Variants in POF1B observed in about 807,000 individuals in gnomAD.
POF1B encodes protein POF1B.
Under a neutral mutation model 55.3 loss-of-function variants are expected in POF1B, and 53 were observed. That is an observed-to-expected ratio of 0.96 (90% CI 0.77 to 1.20). The LOEUF (loss-of-function observed/expected upper bound fraction) is 1.20, where lower values mean the gene tolerates loss of function less well. POF1B is among the 50% of genes most tolerant of loss of function. The pLI is 0.00. For synonymous variants in POF1B, 188 were observed against 148.3 expected (o/e 1.27, Z -1.95); for missense variants, 478 against 420.5 (o/e 1.14, Z -1.20).
chrX:85,359,445 G>A (rs1301766816), intron 4 of POF1B, 105 bp downstream of exon 4: 16 of 571,325 alleles, frequency 2.8e-5, no homozygotes, highest in Non-Finnish European at 4.3e-5. Flanking sequence ...GTAACTGTAA[G>A]AAAGTCCAAC....
chrX:85,325,156 T>C (rs769875996), intron 7 of POF1B, among the ~76,000 whole-genome samples: 11 of 111,410 alleles, frequency 9.9e-5, no homozygotes, highest in Non-Finnish European at 1.7e-4. Context: ...CTGATGACGA[T>C]GTGTCTTGGG....
chrX:85,371,189 A>G (rs1161249172), intron 2 of POF1B, among the ~76,000 whole-genome samples: 1 of 111,787 alleles, frequency 8.9e-6, no homozygotes. Flanking sequence ...GAAATGAGAA[A>G]TGGGATATGG....
intron 6 of POF1B, among the ~76,000 whole-genome samples, chrX:85,337,679 A>G (rs1250352487): frequency 8.9e-6 from 1 of 111,848 alleles, no homozygotes; most frequent in Non-Finnish European, 1.9e-5. Flanking sequence ...ACAGTTCTGT[A>G]CTTGAAATAA....
chrX:85,346,138 T>C, intron 5 of POF1B, 96 bp from the exon 6 acceptor site: 2 of 671,467 alleles, frequency 3.0e-6, no homozygotes, highest in Non-Finnish European at 4.1e-6. Flanking sequence ...TAATGTTTTC[T>C]TTCACTATAA....
chrX:85,344,817 A>G (rs1014467703), intron 6 of POF1B, among the ~76,000 whole-genome samples: 4 of 111,331 alleles, frequency 3.6e-5, no homozygotes, highest in Non-Finnish European at 5.7e-5. Context: ...GGGTCTCACT[A>G]TGTTGCTCAG....
chrX:85,293,343 A>G (rs1172095827), intron 15 of POF1B, among the ~76,000 whole-genome samples: 1 of 112,244 alleles, frequency 8.9e-6, no homozygotes, highest in Non-Finnish European at 1.9e-5. Context: ...GCACCCATAA[A>G]AAGAACAAGA....
At chrX:85,376,595 A>G (rs1933925878) in intron 2 of POF1B, among the ~76,000 whole-genome samples, 1 of 111,697 alleles carries the variant, frequency 9.0e-6, no homozygotes, top group African/African-American at 3.2e-5. Flanking sequence ...CAAAATAATA[A>G]CCAAAAAACA....
chrX:85,342,861 C>G (rs1451857645), intron 6 of POF1B, among the ~76,000 whole-genome samples: 1 of 111,214 alleles, frequency 9.0e-6, no homozygotes, highest in African/African-American at 3.3e-5. Flanking sequence ...CTCCTTTGTC[C>G]ATGGGATCTG....
At chrX:85,366,568 A>G (rs1164722055) in intron 3 of POF1B, among the ~76,000 whole-genome samples, 2 of 111,985 alleles carry the variant, frequency 1.8e-5, no homozygotes, top group Non-Finnish European at 3.8e-5. Context: ...AAAATAAAAT[A>G]GATAATACAA....
intron 2 of POF1B, among the ~76,000 whole-genome samples, chrX:85,374,221 A>G (rs999058016): frequency 2.7e-5 from 3 of 111,698 alleles, no homozygotes; most frequent in African/African-American, 9.8e-5. Flanking sequence ...TCACCTCATG[A>G]TTGCATATTT....
chrX:85,358,300 C>T (rs923870064), intron 4 of POF1B, among the ~76,000 whole-genome samples: 23 of 111,383 alleles, frequency 2.1e-4, no homozygotes, highest in African/African-American at 6.2e-4. Context: ...GGTCCTTTCA[C>T]GGCATCTATC....
rs1328988423 is a variant in POF1B at position 85,379,293 on chromosome X, G to A, written c.162C>T (p.Thr54=). 2 of 1,208,139 alleles carry A rather than the reference G, an allele frequency of 1.7e-6. No homozygotes were observed. Among genetic ancestry groups the A allele is most frequent in the Admixed American group, 2.2e-5 (1 of 45,388 alleles). The part of the protein sequence containing the change: ...EKNVVYERVR[T]YSGPMNKVVQ... ...CCACCTTGTTCATGGGCCCACTGTA[G>A]GTCCTCACTCGCTCATACACTACAT... Residue 54 remains threonine, a synonymous_variant, in exon 2 of 17, where the codon ACC becomes ACT. Transcript: ENST00000262753.
chrX:85,303,077 T>A (rs1932493890), intron 15 of POF1B, among the ~76,000 whole-genome samples: 1 of 111,418 alleles, frequency 9.0e-6, no homozygotes, highest in Admixed American at 9.5e-5. Context: ...GTAACCCCAT[T>A]TAAGTGAATT....
chrX:85,318,847 T>C (rs1452510642), intron 7 of POF1B, among the ~76,000 whole-genome samples: 1 of 110,569 alleles, frequency 9.0e-6, no homozygotes, highest in African/African-American at 3.3e-5. Context: ...TGTCTTGCTA[T>C]TCCAGTCTTT....
At chrX:85,334,173 T>C (rs1013753617) in intron 6 of POF1B, among the ~76,000 whole-genome samples, 8 of 110,932 alleles carry the variant, frequency 7.2e-5, no homozygotes, top group African/African-American at 2.6e-4. Context: ...CTATCTTTTT[T>C]GTTGCCTTGA....
At chrX:85,323,185 G>T (rs1489083507) in intron 7 of POF1B, among the ~76,000 whole-genome samples, 36 of 111,558 alleles carry the variant, frequency 3.2e-4, no homozygotes, top group Non-Finnish European at 6.4e-4. Context: ...GCAAAGGCTT[G>T]GAACCAAGCC....
At chrX:85,362,845 G>A (rs888552693) in intron 3 of POF1B, among the ~76,000 whole-genome samples, 12 of 111,172 alleles carry the variant, frequency 1.1e-4, no homozygotes, top group Admixed American at 1.1e-3. Context: ...TGTACATCTG[G>A]TAGAATTTGG....
chrX:85,325,999 T>C (rs1195642648), intron 7 of POF1B, among the ~76,000 whole-genome samples: 2 of 111,268 alleles, frequency 1.8e-5, no homozygotes, highest in Non-Finnish European at 3.8e-5. Flanking sequence ...GGGAGTCGTA[T>C]TGGGCCAGGC....
Position 85,331,044 on chromosome X carries a change from G to A in POF1B, c.759C>T (p.Asp253=). The change falls in exon 7 of 17, where the codon GAC becomes GAT. Residue 253 remains aspartate, a synonymous_variant. Coordinates refer to ENST00000262753, the MANE Select transcript of POF1B (RefSeq NM_024921.4). ...IIQDDGPEKL[D]PRYFGELLAD... is the part of the protein sequence containing the mutation. ...CAAGCAACTCTCCAAAATATCTGGG[G>A]TCCAATTTTTCAGGGCCATCATCCT... 1 of 1,206,222 alleles carries A rather than the reference G, an allele frequency of 8.3e-7. No homozygotes were observed. The highest frequency in any genetic ancestry group is 1.1e-6 in the Non-Finnish European group (1 of 892,522).
Sources: gnomAD v4.1 joint callset for allele counts (sites outside exome capture counted in the v4.1 genomes callset) on GRCh38, gnomAD v4.1.1 for gene constraint, MANE v1.5 for transcripts, NCBI Gene and HGNC (gene_info 2026-07-23, HGNC 2026-07-21) for gene names.